The following SCFD2 variants were observed in gnomAD, a reference collection of about 807,000 sequenced individuals.
The protein encoded by SCFD2 is sec1 family domain-containing protein 2.
Under a neutral mutation model 58.9 loss-of-function variants are expected in SCFD2, and 54 were observed. The ratio of observed to expected loss-of-function variants is 0.92; its 90% CI spans 0.74 to 1.15. The LOEUF is 1.15. SCFD2 is among the 50% of genes most tolerant of loss of function. The pLI is 0.00. For synonymous variants in SCFD2, 321 were observed against 335.9 expected (o/e 0.96, Z 0.49); for missense variants, 805 against 836.6 (o/e 0.96, Z 0.47).
chr4:53,305,506 CT>C (rs1732485073), intron 3 of SCFD2, among the ~76,000 whole-genome samples: 1 of 152,088 alleles, frequency 6.6e-6, no homozygotes. Context: ...AAAGTACCAG[CT>C]GTTTTGTATG....
chr4:53,195,702 T>C (rs1323757307), intron 4 of SCFD2, among the ~76,000 whole-genome samples: 1 of 152,170 alleles, frequency 6.6e-6, no homozygotes, highest in African/African-American at 2.4e-5. Flanking sequence ...ACTACCTGGA[T>C]TGTGACTAAA....
At chr4:53,039,224 G>A (rs1324808217) in intron 5 of SCFD2, among the ~76,000 whole-genome samples, 1 of 152,074 alleles carries the variant, frequency 6.6e-6, no homozygotes, top group Admixed American at 6.6e-5. Flanking sequence ...TGGCTCTCAG[G>A]CCACGGTCTA....
chr4:53,085,461 A>G (rs1724276877), intron 5 of SCFD2, among the ~76,000 whole-genome samples: 1 of 152,198 alleles, frequency 6.6e-6, no homozygotes, highest in South Asian at 2.1e-4. Context: ...CATACTACCA[A>G]AAGCAATCTA....
At chr4:52,920,492 A>G (rs943350153) in intron 6 of SCFD2, among the ~76,000 whole-genome samples, 1 of 152,160 alleles carries the variant, frequency 6.6e-6, no homozygotes, top group Admixed American at 6.5e-5. Flanking sequence ...TTAGAAAGCC[A>G]TGGCTGACTC....
At chr4:53,128,094 A>G (rs954478866) in intron 5 of SCFD2, among the ~76,000 whole-genome samples, 1 of 149,652 alleles carries the variant, frequency 6.7e-6, no homozygotes, top group African/African-American at 2.4e-5. Flanking sequence ...TAATATATGC[A>G]TGTTCCCAGA....
intron 5 of SCFD2, among the ~76,000 whole-genome samples, chr4:53,113,255 T>C (rs184019987): frequency 2.0e-3 from 297 of 152,236 alleles, no homozygotes; most frequent in Non-Finnish European, 2.9e-3. Context: ...GGACTGCACT[T>C]TTCCTAGCCC....
At chr4:53,269,427 A>G (rs575060646) in intron 4 of SCFD2, among the ~76,000 whole-genome samples, 4 of 152,248 alleles carry the variant, frequency 2.6e-5, no homozygotes, top group African/African-American at 9.6e-5. Flanking sequence ...TTAAAATGGT[A>G]TAATTGGTAA....
intron 4 of SCFD2, among the ~76,000 whole-genome samples, chr4:53,260,743 A>G (rs1364890851): frequency 6.6e-6 from 1 of 152,138 alleles, no homozygotes; most frequent in East Asian, 1.9e-4. Context: ...CTGGCTTTAT[A>G]GAATGATTTA....
chr4:53,227,658 C>A (rs1729266514), intron 4 of SCFD2, among the ~76,000 whole-genome samples: 1 of 152,118 alleles, frequency 6.6e-6, no homozygotes, highest in South Asian at 2.1e-4. Context: ...CAATATGATT[C>A]ACCCATCAGT....
Position 53,214,542 on chromosome 4 carries a change from C to T in SCFD2, c.1311+59284G>A, listed in dbSNP as rs1256734196. ...AATTTGTTTGAGTTCATTGTAGATT[C>T]TGGATATTAGTCCTTTGTCAGATGA... On this transcript the variant is annotated intron_variant, in intron 4 of 8. Coordinates refer to ENST00000401642, the MANE Select transcript of SCFD2 (RefSeq NM_152540.4). Among the ~76,000 whole-genome samples the T allele has an allele frequency of 2.0e-5, 3 of 151,938 alleles. No individual in the cohort carries two copies. The East Asian group carries it at 5.8e-4, about 29-fold the overall frequency.
chr4:53,314,630 C>T (rs767215826), intron 2 of SCFD2, among the ~76,000 whole-genome samples: 1 of 152,150 alleles, frequency 6.6e-6, no homozygotes, highest in Non-Finnish European at 1.5e-5. Flanking sequence ...CTACTATCCA[C>T]TTAGTAATAG....
rs1373701195 is a variant in SCFD2 at position 53,365,784 on chromosome 4, T to A, written c.158A>T (p.Asp53Val). ...GGGCTCGAACTCTCGCAGGTGACAG[T>A]CAGGACCCCCCACCGCCTCCAGGAG... ...TRLLEAVGGP[D>V]CHLREFEPDA... Residue 53 changes from aspartate to valine, a missense_variant, in exon 1 of 9, where the codon GAC becomes GTC. By Grantham distance (152) the Asp-to-Val change is radical (BLOSUM62 -3). Transcript: ENST00000401642. The surrounding 1 kb of genome is among the most constrained non-coding windows in gnomAD (Gnocchi z 4.3). 10 of 1,613,912 alleles carry A rather than the reference T, an allele frequency of 6.2e-6. No individual in the cohort carries two copies. Among genetic ancestry groups the A allele is most frequent in the Non-Finnish European group, 8.5e-6 (10 of 1,179,946 alleles).
intron 5 of SCFD2, among the ~76,000 whole-genome samples, chr4:53,094,632 C>A (rs1451599395): frequency 6.6e-6 from 1 of 152,060 alleles, no homozygotes; most frequent in Non-Finnish European, 1.5e-5. Flanking sequence ...GGCAACTCTG[C>A]TCTTTTTCCC....
At chr4:53,131,171 T>G (rs968460266) in intron 5 of SCFD2, among the ~76,000 whole-genome samples, 1 of 152,250 alleles carries the variant, frequency 6.6e-6, no homozygotes, top group Non-Finnish European at 1.5e-5. Flanking sequence ...TTGTTCTTTA[T>G]GATTACAAAT....
At chr4:53,242,322 T>TGC (rs1243937568) in intron 4 of SCFD2, among the ~76,000 whole-genome samples, 4 of 152,116 alleles carry the variant, frequency 2.6e-5, no homozygotes, top group African/African-American at 9.7e-5. Flanking sequence ...CCAGTGCCAA[T>TGC]ACCAGTCACC....
In SCFD2 at chr4:53,139,406, C is replaced by CAA. The variant is rs1333483955; in HGVS notation, c.1561+5926_1561+5927insTT. The stretch of plus-strand genomic sequence containing the variant: ...AGTGAGGAGCGCCTCTTCCCGGCTG[C>CAA]CGGCCGTCATCCTGTCTAGGAAGTG... On this transcript the variant is annotated intron_variant, in intron 5 of 8. Coordinates refer to ENST00000401642, the MANE Select transcript of SCFD2 (RefSeq NM_152540.4). Among the ~76,000 whole-genome samples, 121 of 134,258 alleles carry CAA rather than the reference C, an allele frequency of 9.0e-4. 3 individuals carry two copies. The highest frequency in any genetic ancestry group is 2.8e-3 in the African/African-American group (112 of 40,080). 88.1% of individuals were successfully genotyped at this position (134,258 alleles called of 152,430 possible).
In SCFD2 at chr4:53,198,388, T is replaced by C. The variant is rs561976977; in HGVS notation, c.1312-52806A>G. 4.6e-5 allele frequency among the ~76,000 whole-genome samples: 7 copies of C among 152,020 alleles called. No individual in the cohort carries two copies. The South Asian group carries it at 1.2e-3, about 27-fold the overall frequency. Reference sequence around the variant, plus strand: ...AACAGGATTTTTTTAAATCTAATAATTTCAACTAAAAAATTATATTAAAAG... The same window carrying C: ...AACAGGATTTTTTTAAATCTAATAACTTCAACTAAAAAATTATATTAAAAG... On this transcript the variant is annotated intron_variant, in intron 4 of 8. Coordinates refer to ENST00000401642, the MANE Select transcript of SCFD2 (RefSeq NM_152540.4).
At chr4:52,903,783 T>C (rs1719280043) in intron 7 of SCFD2, among the ~76,000 whole-genome samples, 1 of 152,226 alleles carries the variant, frequency 6.6e-6, no homozygotes, top group Non-Finnish European at 1.5e-5. Flanking sequence ...TTCTTTTTCA[T>C]TTAAAAACAT....
intron 4 of SCFD2, among the ~76,000 whole-genome samples, chr4:53,271,185 C>T (rs4864454): frequency 0.11 from 15,985 of 151,916 alleles, 955 homozygotes; most frequent in East Asian, 0.22. Flanking sequence ...CAGCCTTGAG[C>T]CTTACCTGCT....
Sources: allele counts gnomAD v4.1 joint callset (sites outside exome capture counted in the v4.1 genomes callset), GRCh38; gene constraint gnomAD v4.1.1; non-coding constraint Gnocchi (gnomAD v3.1); transcripts MANE v1.5; gene names NCBI Gene and HGNC (gene_info 2026-07-23, HGNC 2026-07-21).